Variants in FRMD5 observed in about 807,000 individuals in gnomAD.
FRMD5 encodes the protein FERM domain containing 5.
FRMD5 carries 20 observed loss-of-function variants against 69.0 expected under a neutral mutation model. The ratio of observed to expected loss-of-function variants is 0.29; its 90% CI spans 0.20 to 0.42. The LOEUF (loss-of-function observed/expected upper bound fraction) is 0.42, where lower values mean the gene tolerates loss of function less well. FRMD5 is among the 10% of genes least tolerant of loss of function. The pLI is 1.00. For synonymous variants in FRMD5, 271 were observed against 260.1 expected (o/e 1.04, Z -0.40); for missense variants, 595 against 708.6 (o/e 0.84, Z 1.82).
chr15:43,997,755 T>C (rs4924728), intron 1 of FRMD5, among the ~76,000 whole-genome samples: 130,848 of 152,180 alleles, frequency 0.86, 57,823 homozygotes, highest in Non-Finnish European at 0.95. Context: ...TCTCTACTCT[T>C]TATAGAAAAA....
At chr15:44,121,709 A>G (rs1282911895) in intron 1 of FRMD5, among the ~76,000 whole-genome samples, 1 of 152,076 alleles carries the variant, frequency 6.6e-6, no homozygotes, top group Non-Finnish European at 1.5e-5. Flanking sequence ...GAAATAGTCT[A>G]TTCAGGCTGG....
chr15:43,994,371 A>G (rs571817349), intron 1 of FRMD5, among the ~76,000 whole-genome samples: 1 of 152,250 alleles, frequency 6.6e-6, no homozygotes, highest in South Asian at 2.1e-4. Flanking sequence ...CCTGCCCCTC[A>G]TATTATGCTT....
chr15:44,136,176 C>T (rs899952087), intron 1 of FRMD5, among the ~76,000 whole-genome samples: 2 of 150,260 alleles, frequency 1.3e-5, no homozygotes, highest in African/African-American at 4.9e-5. Context: ...CTACACCTGC[C>T]TATTTTTTGT....
chr15:43,996,925 C>A (rs1328596866), intron 1 of FRMD5, among the ~76,000 whole-genome samples: 1 of 151,968 alleles, frequency 6.6e-6, no homozygotes, highest in Non-Finnish European at 1.5e-5. Context: ...TCAACCTTGG[C>A]TATATATTAG....
chr15:44,120,537 T>C (rs1228239762), intron 1 of FRMD5, among the ~76,000 whole-genome samples: 3 of 149,888 alleles, frequency 2.0e-5, no homozygotes, highest in Admixed American at 6.6e-5. Flanking sequence ...GAGTGGATTT[T>C]TTTTTTTTTT....
At chr15:44,009,636 G>A (rs1890621861) in intron 1 of FRMD5, among the ~76,000 whole-genome samples, 2 of 152,116 alleles carry the variant, frequency 1.3e-5, no homozygotes, top group Admixed American at 6.5e-5. Context: ...CCGTGATTGT[G>A]CCACTGCACT....
intron 1 of FRMD5, among the ~76,000 whole-genome samples, chr15:44,088,955 A>C (rs998851787): frequency 6.6e-6 from 1 of 152,226 alleles, no homozygotes; most frequent in African/African-American, 2.4e-5. Context: ...GACCCAGTCA[A>C]AGTGGCTTAT....
intron 4 of FRMD5, among the ~76,000 whole-genome samples, chr15:43,912,742 G>A (rs1325966968): frequency 6.6e-6 from 1 of 151,886 alleles, no homozygotes; most frequent in Non-Finnish European, 1.5e-5. Context: ...TTTGGGCCGG[G>A]CGCGGTGGCT....
intron 1 of FRMD5, among the ~76,000 whole-genome samples, chr15:44,021,219 GATGT>G (rs1203710675): frequency 6.6e-6 from 1 of 152,186 alleles, no homozygotes; most frequent in African/African-American, 2.4e-5. Context: ...CTGGGAGGCA[GATGT>G]TGCAGTGAGC....
intron 8 of FRMD5, among the ~76,000 whole-genome samples, chr15:43,889,988 A>G (rs2088756799): frequency 6.6e-6 from 1 of 152,170 alleles, no homozygotes; most frequent in Non-Finnish European, 1.5e-5. Flanking sequence ...AGTTCAGGGG[A>G]CAGAGGAAAA....
At chr15:44,159,080 A>G (rs1307450764) in intron 1 of FRMD5, among the ~76,000 whole-genome samples, 1 of 152,200 alleles carries the variant, frequency 6.6e-6, no homozygotes, top group African/African-American at 2.4e-5. Context: ...CAGGGATGGG[A>G]GCAGAGGAAC....
intron 1 of FRMD5, among the ~76,000 whole-genome samples, chr15:44,043,799 T>A (rs1892311149): frequency 6.6e-6 from 1 of 152,200 alleles, no homozygotes; most frequent in Non-Finnish European, 1.5e-5. Flanking sequence ...GACTTAAATG[T>A]AAGACCTAAA....
At chr15:44,182,790 G>C (rs2078028540) in intron 1 of FRMD5, among the ~76,000 whole-genome samples, 1 of 151,394 alleles carries the variant, frequency 6.6e-6, no homozygotes, top group African/African-American at 2.4e-5. Context: ...AGACATGTGA[G>C]AAAATATTCA....
chr15:44,006,963 C>T (rs1478675764), intron 1 of FRMD5, among the ~76,000 whole-genome samples: 3 of 152,168 alleles, frequency 2.0e-5, no homozygotes, highest in African/African-American at 4.8e-5. Flanking sequence ...TGCAGTTAAA[C>T]AGCATTGCAT....
intron 1 of FRMD5, among the ~76,000 whole-genome samples, chr15:43,964,397 T>C (rs2090257434): frequency 6.6e-6 from 1 of 151,674 alleles, no homozygotes; most frequent in Non-Finnish European, 1.5e-5. Flanking sequence ...CCAGGCACAG[T>C]GGGTCATGCC....
At chr15:44,112,446 T>C (rs753292920) in intron 1 of FRMD5, among the ~76,000 whole-genome samples, 36 of 151,898 alleles carry the variant, frequency 2.4e-4, no homozygotes, top group Admixed American at 2.6e-4. Flanking sequence ...AGGAATCCCT[T>C]ATCTGCCACT....
intron 7 of FRMD5, among the ~76,000 whole-genome samples, chr15:43,896,383 C>A (rs1178377641): frequency 6.6e-6 from 1 of 152,226 alleles, no homozygotes; most frequent in Non-Finnish European, 1.5e-5. Context: ...TGGAGAAATA[C>A]TACTTCCATC....
chr15:43,968,599 G>A (rs2090330676), intron 1 of FRMD5, among the ~76,000 whole-genome samples: 1 of 152,130 alleles, frequency 6.6e-6, no homozygotes, highest in Admixed American at 6.5e-5. Flanking sequence ...GGTGCTTGCA[G>A]CTTTCCTAAA....
At chr15:43,882,830 GTC>G (rs1325491882) in intron 13 of FRMD5, among the ~76,000 whole-genome samples, 1 of 151,136 alleles carries the variant, frequency 6.6e-6, no homozygotes, top group Non-Finnish European at 1.5e-5. Flanking sequence ...TTGAGACAGA[GTC>G]TCTGTCACCC....
Sources: allele counts gnomAD v4.1 joint callset (sites outside exome capture counted in the v4.1 genomes callset), GRCh38; gene constraint gnomAD v4.1.1; transcripts MANE v1.5; gene names NCBI Gene and HGNC (gene_info 2026-07-23, HGNC 2026-07-21).